Variants in GALNT16 observed in about 807,000 individuals in gnomAD.
GALNT16 encodes polypeptide N-acetylgalactosaminyltransferase 16, also known as UDP-GalNAc:polypeptide N-acetylgalactosaminyltransferase-like protein 1.
GALNT16 carries 40 observed loss-of-function variants against 76.1 expected under a neutral mutation model. That is an observed-to-expected ratio of 0.53 (90% CI 0.41 to 0.68). GALNT16 has a LOEUF of 0.68. Ranked by LOEUF, GALNT16 falls within the 30% of genes least tolerant of loss-of-function variation. The probability of loss-of-function intolerance (pLI) is 0.00; values close to 1 mark genes in which losing one functional copy is unlikely to be tolerated. For missense variants in GALNT16, 621 were observed against 731.9 expected (o/e 0.85, Z 1.75); for synonymous variants, 276 against 285.2 (o/e 0.97, Z 0.32).
At chr14:69,288,767 A>G (rs544883554) in intron 1 of GALNT16, among the ~76,000 whole-genome samples, 13 of 152,332 alleles carry the variant, frequency 8.5e-5, no homozygotes, top group African/African-American at 2.9e-4. Context: ...TCAAAACTCA[A>G]TATGAGGTCC....
In GALNT16 at chr14:69,264,127, T is replaced by C. The variant is rs2044310706; in HGVS notation, c.177+3660T>C. 2.0e-5 allele frequency among the ~76,000 whole-genome samples: 3 copies of C among 152,238 alleles called. No individual in the cohort carries two copies. The South Asian group carries it at 6.2e-4, about 32-fold the overall frequency. ...TAAGGTGTTATATGGAATTTCACTT[T>C]ACATTTTTTAAAAAGACTACTCATT... On this transcript the variant is annotated intron_variant, in intron 1 of 14. Coordinates refer to ENST00000448469, the MANE Select transcript of GALNT16 (RefSeq NM_001168368.2).
chr14:69,330,036 G>A (rs928856618), intron 6 of GALNT16, among the ~76,000 whole-genome samples: 25 of 152,264 alleles, frequency 1.6e-4, no homozygotes, highest in Non-Finnish European at 2.5e-4. Context: ...GCAGTTCTGC[G>A]AAAGTTTGAA....
chr14:69,285,614 G>A (rs909786419), intron 1 of GALNT16, among the ~76,000 whole-genome samples: 2 of 152,086 alleles, frequency 1.3e-5, no homozygotes, highest in Non-Finnish European at 2.9e-5. Context: ...ATGTACCATC[G>A]TCTACATTTC....
At chr14:69,371,090 C>T in the GALNT16 span, among the ~76,000 whole-genome samples, 2 of 152,242 alleles carry the variant, frequency 1.3e-5, no homozygotes, top group South Asian at 4.1e-4. Flanking sequence ...CAAGGATAGC[C>T]TATTAGAGAA....
At position 69,268,082 on chromosome 14, in the gene GALNT16, G is replaced by A. The variant is rs186553780; in HGVS notation, c.177+7615G>A. Among the ~76,000 whole-genome samples the A allele has an allele frequency of 1.3e-3, 200 of 152,256 alleles. 1 individual carries two copies. The highest frequency in any genetic ancestry group is 6.9e-4 in the Non-Finnish European group (47 of 68,016). On this transcript the variant is annotated intron_variant, in intron 1 of 14. Coordinates refer to ENST00000448469, the MANE Select transcript of GALNT16 (RefSeq NM_001168368.2). ...TTGAAACATTGTCTGATGGAGCTAC[G>A]CTGCTCCCTGCCCGCTGTACTAGAA...
At chr14:69,339,365 A>C (rs371520507) in intron 10 of GALNT16, among the ~76,000 whole-genome samples, 162 bp from the exon 11 acceptor site, 1 of 152,200 alleles carries the variant, frequency 6.6e-6, no homozygotes, top group Non-Finnish European at 1.5e-5. Context: ...GGGTATTGAC[A>C]GACTGTCTTC....
In GALNT16 at chr14:69,347,878, C is replaced by A. The variant is rs1321899057; in HGVS notation, c.1415C>A (p.Ala472Glu). 1.9e-6 allele frequency: 3 copies of A among 1,613,274 alleles called. No individual in the cohort carries two copies. The highest frequency in any genetic ancestry group is 2.7e-5 in the African/African-American group (2 of 74,936). ...GSAKNPQPAQAWLFSDHLIQQ... is the reference protein window; with the variant it reads ...GSAKNPQPAQEWLFSDHLIQQ... Reference sequence around the variant, plus strand: ...GCCTTTCTGCTCCCTGCCTTGCAGGCATGGCTGTTCAGTGACCACCTCATC... The same window carrying A: ...GCCTTTCTGCTCCCTGCCTTGCAGGAATGGCTGTTCAGTGACCACCTCATC... Residue 472 changes from alanine to glutamate, a missense_variant and splice_region_variant, in exon 14 of 15, where the codon GCA becomes GAA. Transcript: ENST00000448469.
Position 69,260,208 on chromosome 14 carries a change from A to G in GALNT16, c.-83A>G. ...AGCAGCTAGGCGCGAGCGAAAACAA[A>G]CAGCTGGGGCTGCGAGCGCCCCCGC... is the stretch of plus-strand genomic sequence containing the variant. On this transcript the variant is annotated 5_prime_UTR_variant, in exon 1 of 15. Transcript: ENST00000448469. 1 of 1,036,782 alleles carries G rather than the reference A, an allele frequency of 9.6e-7. No individual in the cohort carries two copies. The allele number at this position is 1,036,782 out of a possible 1,614,324, so 64.2% of individuals were successfully genotyped here.
At chr14:69,386,121 G>A in the GALNT16 span, among the ~76,000 whole-genome samples, 879 of 152,250 alleles carry the variant, frequency 5.8e-3, 5 homozygotes, top group African/African-American at 0.02. Flanking sequence ...GGCTACAACC[G>A]GAACACAATG....
chr14:69,311,473 A>T (rs1183196109), intron 1 of GALNT16, among the ~76,000 whole-genome samples: 1 of 152,196 alleles, frequency 6.6e-6, no homozygotes, highest in Admixed American at 6.5e-5. Flanking sequence ...AGCCTCAAAG[A>T]AAGTCACACA....
Position 69,333,848 on chromosome 14 carries a change from T to A in GALNT16, c.967+248T>A. On this transcript the variant is annotated intron_variant, in intron 9 of 14. Coordinates refer to ENST00000448469, the MANE Select transcript of GALNT16 (RefSeq NM_001168368.2). This position sits in a 1 kb window ranked among gnomAD's most constrained non-coding sequence, Gnocchi z 4.2. ...AGCTAGTAAACAAAGAGGTTCTATT[T>A]AGGGGGAGCCCGTGGTCACATGGCT... The A allele has an allele frequency of 6.4e-6, 3 of 467,262 alleles. No individual in the cohort carries two copies. In the East Asian group the frequency reaches 1.3e-4, roughly 20 times the overall value. 28.9% of individuals were successfully genotyped at this position (467,262 alleles called of 1,614,324 possible). A position where few individuals can be genotyped will look rare whatever the true frequency, so the allele number is the denominator to read the frequency against.
chr14:69,330,102 G>T (rs1428020278), intron 6 of GALNT16, among the ~76,000 whole-genome samples: 1 of 152,148 alleles, frequency 6.6e-6, no homozygotes, highest in Non-Finnish European at 1.5e-5. Flanking sequence ...AGACCCGAGA[G>T]AAATGAAAAC....
intron 1 of GALNT16, among the ~76,000 whole-genome samples, chr14:69,294,583 C>T (rs1219154159): frequency 6.6e-6 from 1 of 152,176 alleles, no homozygotes; most frequent in Non-Finnish European, 1.5e-5. Flanking sequence ...AAGGATCCCG[C>T]ATGCCCACAT....
intron 1 of GALNT16, among the ~76,000 whole-genome samples, chr14:69,292,791 A>G (rs894754895): frequency 6.6e-6 from 1 of 152,236 alleles, no homozygotes; most frequent in African/African-American, 2.4e-5. Flanking sequence ...ACAGTGGCTA[A>G]ATTTCCTGTC....
chr14:69,277,572 CA>C (rs1761832677), intron 1 of GALNT16, among the ~76,000 whole-genome samples: 1 of 152,210 alleles, frequency 6.6e-6, no homozygotes, highest in Admixed American at 6.5e-5. Context: ...TTTATGGCTG[CA>C]TAGTATTCCA....
intron 6 of GALNT16, among the ~76,000 whole-genome samples, chr14:69,330,065 T>A (rs758394537): frequency 3.3e-5 from 5 of 152,182 alleles, no homozygotes; most frequent in Non-Finnish European, 7.3e-5. Flanking sequence ...AGTTAGCATA[T>A]GACCCAGCAG....
intron 1 of GALNT16, among the ~76,000 whole-genome samples, chr14:69,296,980 A>AT (rs1217582313): frequency 1.3e-5 from 2 of 152,174 alleles, no homozygotes; most frequent in African/African-American, 4.8e-5. Flanking sequence ...TTTTATTTAC[A>AT]TTTTTACAGC....
At chr14:69,296,730 ATAG>A (rs2044767343) in intron 1 of GALNT16, among the ~76,000 whole-genome samples, 1 of 73,004 alleles carries the variant, frequency 1.4e-5, no homozygotes, top group African/African-American at 7.7e-5. Flanking sequence ...CAGATAGATG[ATAG>A]ATAGATAGAT....
intron 1 of GALNT16, among the ~76,000 whole-genome samples, chr14:69,305,169 CTTTT>C (rs554703143): frequency 2.4e-5 from 3 of 127,302 alleles, no homozygotes; most frequent in East Asian, 4.7e-4. Context: ...CGACAAGTAT[CTTTT>C]TTTTTTTTTT....
Sources: gnomAD v4.1 joint callset for allele counts (sites outside exome capture counted in the v4.1 genomes callset) on GRCh38, gnomAD v4.1.1 for gene constraint, Gnocchi (gnomAD v3.1) non-coding constraint, MANE v1.5 for transcripts, NCBI Gene and HGNC (gene_info 2026-07-23, HGNC 2026-07-21) for gene names.